The following DST variants were observed in gnomAD, a reference collection of about 807,000 sequenced individuals.
DST encodes the protein dystonin.
DST carries 253 observed loss-of-function variants against 875.2 expected under a neutral mutation model. The observed-to-expected ratio is 0.29, with a 90% CI of 0.26 to 0.32. The LOEUF is 0.32. DST is among the 10% of genes least tolerant of loss of function. DST has a pLI of 1.00. For synonymous variants in DST, 3,124 were observed against 3,197.1 expected (o/e 0.98, Z 0.77); for missense variants, 8,287 against 9,111.6 (o/e 0.91, Z 3.68).
rs376845056 is a variant in DST, at chr6:56,592,276, C to T, written c.12809G>A (p.Gly4270Glu). The change falls in exon 49 of 104, where the codon GGA becomes GAA. Residue 4270 changes from glycine to glutamate, a missense_variant. By Grantham distance (98) the Gly-to-Glu change is moderately conservative. Transcript: ENST00000680361. The stretch of plus-strand genomic sequence containing the variant: ...CGCTGTGGCCTCACAGGCCTGGAGT[C>T]CAGCAAGAAGTCCACATGAAGCATC... ...YEDASCGLLA[G>E]LQACEATASK... The T allele has an allele frequency of 1.9e-6, 3 of 1,612,306 alleles. No individual in the cohort carries two copies. The highest frequency in any genetic ancestry group is 2.5e-6 in the Non-Finnish European group (3 of 1,179,164).
Position 56,606,064 on chromosome 6 carries a change from T to A in DST, c.8564A>T (p.Asn2855Ile), listed in dbSNP as rs765431466. Residue 2855 changes from asparagine (N) to isoleucine (I), a missense_variant, in exon 40 of 104, where the codon AAT becomes ATT. This residue lies in a region of DST where 3,138 missense variants were observed against 3,116.6 expected (regional missense o/e 1.01). Transcript: ENST00000680361. ...NENSDENENI[N>I]TMILLDKMHS... is the part of the protein sequence containing the mutation. ...CATTTTATCCAGAAGAATCATTGTA[T>A]TAATATTTTCATTTTCATCACTGTT... 26 of 1,612,908 alleles carry A rather than the reference T, an allele frequency of 1.6e-5. 1 individual carries two copies. Among genetic ancestry groups the A allele is most frequent in the African/African-American group, 9.3e-5 (7 of 74,884 alleles).
chr6:56,584,746 T>C (rs1036080844), intron 49 of DST, among the ~76,000 whole-genome samples: 4 of 152,114 alleles, frequency 2.6e-5, no homozygotes, highest in African/African-American at 9.7e-5. Context: ...TAGATAGCTC[T>C]TATTATTTTG....
chr6:56,774,583 C>T (rs2099674202), intron 4 of DST, among the ~76,000 whole-genome samples: 1 of 152,144 alleles, frequency 6.6e-6, no homozygotes, highest in South Asian at 2.1e-4. Flanking sequence ...TTATATTGTT[C>T]ACTAACTATG....
rs901212395 is a variant in DST, at chr6:56,503,897, T to C, written c.19566+100A>G. ...TTAAACTAGCTTTATAATTAAGCTG[T>C]CATACTTACATTAGGTAAAATAAAT... On this transcript the variant is annotated intron_variant, in intron 78 of 103. Coordinates refer to ENST00000680361, the MANE Select transcript of DST (RefSeq NM_001374736.1). 6 of 747,098 alleles carry C rather than the reference T, an allele frequency of 8.0e-6. No homozygotes were observed. The African/African-American group carries it at 1.1e-4, about 13-fold the overall frequency. 46.3% of individuals were successfully genotyped at this position (747,098 alleles called of 1,614,324 possible).
chr6:56,485,729 A>G (rs566910022), intron 87 of DST, among the ~76,000 whole-genome samples: 6 of 152,306 alleles, frequency 3.9e-5, no homozygotes, highest in Admixed American at 2.0e-4. Context: ...GTTTCTTCAT[A>G]AAAATAAGCC....
chr6:56,635,523 C>T, intron 24 of DST, 66 bp downstream of exon 24: 2 of 1,513,184 alleles, frequency 1.3e-6, no homozygotes, highest in Non-Finnish European at 1.8e-6. Flanking sequence ...CAAAGTTCTG[C>T]TCATATAAAA....
intron 4 of DST, among the ~76,000 whole-genome samples, chr6:56,815,121 C>T (rs991758076): frequency 1.3e-5 from 2 of 152,112 alleles, no homozygotes; most frequent in Non-Finnish European, 2.9e-5. Context: ...ATAATGTTTA[C>T]TGCACTATGC....
chr6:56,801,844 G>A (rs2099747522), intron 4 of DST, among the ~76,000 whole-genome samples: 1 of 150,484 alleles, frequency 6.6e-6, no homozygotes, highest in South Asian at 2.1e-4. Context: ...CCACCTCCCG[G>A]GTTCAAGCGA....
At chr6:56,459,332 A>T in intron 103 of DST, 65 bp from the exon 104 acceptor site, 1 of 1,483,202 alleles carries the variant, frequency 6.7e-7, no homozygotes, top group Non-Finnish European at 9.0e-7. Context: ...AATTTTTGAA[A>T]CCCGATGCCA....
chr6:56,575,578 G>C (rs951492848), intron 50 of DST, among the ~76,000 whole-genome samples: 9 of 152,120 alleles, frequency 5.9e-5, no homozygotes, highest in Non-Finnish European at 2.9e-5. Context: ...GTTTGCTATA[G>C]ACTAAATGTG....
chr6:56,505,615 T>G (rs905805548), intron 77 of DST, among the ~76,000 whole-genome samples: 5 of 152,054 alleles, frequency 3.3e-5, no homozygotes, highest in African/African-American at 4.8e-5. Context: ...TTTACAAATA[T>G]AGAAATGGAA....
At chr6:56,781,001 G>C (rs1178968635) in intron 4 of DST, among the ~76,000 whole-genome samples, 4 of 152,110 alleles carry the variant, frequency 2.6e-5, no homozygotes, top group Admixed American at 2.6e-4. Flanking sequence ...CCCATTGCTT[G>C]TTTTTCTCAG....
chr6:56,490,640 A>G (rs779325040), intron 85 of DST, among the ~76,000 whole-genome samples: 10 of 152,190 alleles, frequency 6.6e-5, no homozygotes, highest in Non-Finnish European at 5.9e-5. Flanking sequence ...AGACACATGA[A>G]TTGTGAAAGT....
intron 9 of DST, among the ~76,000 whole-genome samples, chr6:56,684,736 A>C (rs892829703): frequency 1.3e-5 from 2 of 152,164 alleles, no homozygotes; most frequent in East Asian, 3.8e-4. Flanking sequence ...CTCTCAGTGC[A>C]CCTACTGCCA....
intron 3 of DST, among the ~76,000 whole-genome samples, chr6:56,857,433 C>T (rs1278055820): frequency 6.6e-6 from 1 of 152,258 alleles, no homozygotes; most frequent in African/African-American, 2.4e-5. Flanking sequence ...AGAAATTTCT[C>T]GTACCATTTC....
intron 3 of DST, among the ~76,000 whole-genome samples, chr6:56,898,216 C>T (rs1418366414): frequency 2.0e-5 from 3 of 152,166 alleles, no homozygotes; most frequent in Non-Finnish European, 4.4e-5. Flanking sequence ...CTAAGGGCAC[C>T]TCACTCTGAT....
Position 56,593,692 on chromosome 6 carries a change from T to C in DST, c.12697A>G (p.Thr4233Ala). The change falls in exon 48 of 104, where the codon ACT becomes GCT. Residue 4233 changes from threonine to alanine, a missense_variant. Around this residue, in one of 10 missense-constraint regions of DST, gnomAD observed 1,513 missense variants for 1,677.8 expected, o/e 0.90. Transcript: ENST00000680361. ...REVQRKLDHA[T>A]DRFRSLYSKC... ...GAGTAGAGAGACCTGAACCGATCAG[T>C]AGCATGATCCAACTTGCGCTGCACT... 1 of 1,608,938 alleles carries C rather than the reference T, an allele frequency of 6.2e-7. No individual in the cohort carries two copies. The highest frequency in any genetic ancestry group is 8.5e-7 in the Non-Finnish European group (1 of 1,176,724).
intron 5 of DST, among the ~76,000 whole-genome samples, chr6:56,729,607 CA>C (rs569525896): frequency 0.082 from 5,256 of 63,710 alleles, 194 homozygotes; most frequent in East Asian, 0.32. Flanking sequence ...AACTCCATCT[CA>C]AAAAAAAAAA....
At chr6:56,806,772 G>C (rs1266832983) in intron 4 of DST, among the ~76,000 whole-genome samples, 1 of 152,118 alleles carries the variant, frequency 6.6e-6, no homozygotes, top group Non-Finnish European at 1.5e-5. Context: ...CATAACATTA[G>C]GCCTTTAACA....
Sources: gnomAD v4.1 joint callset for allele counts (sites outside exome capture counted in the v4.1 genomes callset) on GRCh38, gnomAD v4.1.1 for gene constraint, gnomAD v4.1.1 regional missense constraint, MANE v1.5 for transcripts, NCBI Gene and HGNC (gene_info 2026-07-23, HGNC 2026-07-21) for gene names.